The following ADAM23 variants were observed in gnomAD, a reference collection of about 807,000 sequenced individuals.
ADAM23 encodes the protein disintegrin and metalloproteinase domain-containing protein 23.
ADAM23 carries 33 observed loss-of-function variants against 120.1 expected under a neutral mutation model. That is an observed-to-expected ratio of 0.27 (90% confidence interval 0.21 to 0.37). ADAM23 has a LOEUF of 0.37. Among genes scored for constraint, ADAM23 ranks in the 10% least tolerant of loss-of-function variants. ADAM23 has a pLI of 1.00. For missense variants in ADAM23, 862 were observed against 1,058.2 expected (o/e 0.81, Z 2.57); for synonymous variants, 367 against 375.2 (o/e 0.98, Z 0.25).
At chr2:206,564,993 G>C in intron 13 of ADAM23, 27 bp from the exon 14 acceptor site, 1 of 1,611,502 alleles carries the variant, frequency 6.2e-7, no homozygotes, top group Non-Finnish European at 8.5e-7. Flanking sequence ...TTTTTCTTCT[G>C]TTGCTTTTAT....
At chr2:206,521,047 G>A (rs547395804) in intron 3 of ADAM23, among the ~76,000 whole-genome samples, 1 of 152,000 alleles carries the variant, frequency 6.6e-6, no homozygotes, top group African/African-American at 2.4e-5. Flanking sequence ...AAATTGTATC[G>A]TAGAGACTGC....
At position 206,617,747 on chromosome 2, in the gene ADAM23, GAGCTAAA is replaced by G; in HGVS notation, c.*121_*127del. On this transcript the variant is annotated 3_prime_UTR_variant, in exon 26 of 26. Transcript: ENST00000264377. ...AAACCTTTGGGTGGTAATGACTACGGAGCTAAAGTTGGGGTGACAAGGATGGGGTAAA... is the reference window on the plus strand; with the variant it reads ...AAACCTTTGGGTGGTAATGACTACGGGTTGGGGTGACAAGGATGGGGTAAA... 6.6e-7 allele frequency: 1 copy of G among 1,513,110 alleles called. No homozygotes were observed. Among genetic ancestry groups the G allele is most frequent in the Non-Finnish European group, 8.9e-7 (1 of 1,129,176 alleles). The allele number at this position is 1,513,110 out of a possible 1,614,324, so 93.7% of individuals were successfully genotyped here. A position where few individuals can be genotyped will look rare whatever the true frequency, so the allele number is the denominator to read the frequency against.
intron 15 of ADAM23, among the ~76,000 whole-genome samples, chr2:206,568,547 C>T (rs1337680882): frequency 6.6e-6 from 1 of 152,182 alleles, no homozygotes; most frequent in Non-Finnish European, 1.5e-5. Context: ...CTCTAAACTT[C>T]AGCAAAGCTG....
chr2:206,584,841 ACCTTCCCGTTGGATCCC>A (rs1202308345), intron 18 of ADAM23, among the ~76,000 whole-genome samples: 3 of 152,082 alleles, frequency 2.0e-5, no homozygotes, highest in Non-Finnish European at 4.4e-5. Context: ...TCCTCTGGCC[ACCTTCCCGTTGGATCCC>A]TATGGTGCTA....
chr2:206,582,012 G>A lies in ADAM23; in HGVS notation c.1738-5313G>A, dbSNP rs144578016. ...CCTGCCTCAGCCTCCCAAGTAGCTG[G>A]GATTACAGGCAGGTGCCACCATGCC... On this transcript the variant is annotated intron_variant, in intron 18 of 25. Transcript: ENST00000264377. Among the ~76,000 whole-genome samples, 977 of 152,198 alleles carry A rather than the reference G, an allele frequency of 6.4e-3. 9 individuals are homozygous for A. Among genetic ancestry groups the A allele is most frequent in the African/African-American group, 0.022 (925 of 41,518 alleles).
intron 14 of ADAM23, 115 bp from the exon 15 acceptor site, chr2:206,567,108 G>A: frequency 2.5e-6 from 2 of 795,594 alleles, no homozygotes; most frequent in Non-Finnish European, 4.0e-6. Context: ...CAAAATTTGT[G>A]TAGATTCATT....
intron 25 of ADAM23, among the ~76,000 whole-genome samples, chr2:206,611,567 G>A (rs1298706251): frequency 2.0e-5 from 3 of 152,122 alleles, no homozygotes; most frequent in African/African-American, 7.2e-5. Flanking sequence ...ATCATGCCCA[G>A]GCTTATGCCT....
chr2:206,532,790 T>G (rs1697094405), intron 4 of ADAM23, among the ~76,000 whole-genome samples: 1 of 152,168 alleles, frequency 6.6e-6, no homozygotes, highest in Admixed American at 6.5e-5. Flanking sequence ...TGTTTAAAAA[T>G]GCCATGGTGA....
At chr2:206,538,254 G>T (rs1226503104) in intron 4 of ADAM23, among the ~76,000 whole-genome samples, 2 of 152,050 alleles carry the variant, frequency 1.3e-5, no homozygotes, top group Non-Finnish European at 2.9e-5. Context: ...AGTTCCCCAA[G>T]TCTCCAAAAT....
intron 1 of ADAM23, among the ~76,000 whole-genome samples, 172 bp from the exon 2 acceptor site, chr2:206,445,135 T>G (rs1695053385): frequency 6.6e-6 from 1 of 152,234 alleles, no homozygotes; most frequent in Non-Finnish European, 1.5e-5. Flanking sequence ...ATTTTATTGT[T>G]GAAATAACTT....
At chr2:206,585,000 G>A (rs1166741740) in intron 18 of ADAM23, among the ~76,000 whole-genome samples, 1 of 152,186 alleles carries the variant, frequency 6.6e-6, no homozygotes, top group Non-Finnish European at 1.5e-5. Context: ...CCTGCAAACA[G>A]ACCTTCAGCT....
chr2:206,500,210 C>G (rs1176092503), intron 3 of ADAM23, among the ~76,000 whole-genome samples: 1 of 151,410 alleles, frequency 6.6e-6, no homozygotes, highest in Non-Finnish European at 1.5e-5. Context: ...CTCATTGTTG[C>G]ATTAGATCTA....
At chr2:206,505,378 G>T (rs1260384733) in intron 3 of ADAM23, among the ~76,000 whole-genome samples, 1 of 152,282 alleles carries the variant, frequency 6.6e-6, no homozygotes, top group Non-Finnish European at 1.5e-5. Context: ...GTTACTATTT[G>T]TATTAGTTTG....
At chr2:206,496,183 A>G (rs1048813069) in intron 3 of ADAM23, among the ~76,000 whole-genome samples, 2 of 152,168 alleles carry the variant, frequency 1.3e-5, no homozygotes, top group African/African-American at 4.8e-5. Context: ...TACACCCCAA[A>G]TCAACAGAAT....
intron 2 of ADAM23, among the ~76,000 whole-genome samples, chr2:206,448,125 A>G (rs1453871715): frequency 1.3e-5 from 2 of 152,350 alleles, no homozygotes; most frequent in East Asian, 3.9e-4. Flanking sequence ...AGAGTGATGT[A>G]TAACCAGTTG....
chr2:206,504,750 C>T lies in ADAM23; in HGVS notation c.509+23442C>T, dbSNP rs1574502031. On this transcript the variant is annotated intron_variant, in intron 3 of 25. Transcript: ENST00000264377. ...AGTAGTGGACACTTTTGTCCAGGGT[C>T]CCCTTGGGGTGTGTTGAGCCCTAGA... Among the ~76,000 whole-genome samples, 5 of 152,122 alleles carry T rather than the reference C, an allele frequency of 3.3e-5. No homozygotes were observed. In the South Asian group the frequency reaches 1.0e-3, roughly 32 times the overall value.
intron 2 of ADAM23, among the ~76,000 whole-genome samples, chr2:206,477,407 G>A (rs1695795684): frequency 6.6e-6 from 1 of 152,140 alleles, no homozygotes; most frequent in African/African-American, 2.4e-5. Context: ...AAAGTGGTTA[G>A]GCAGCAGCTG....
intron 2 of ADAM23, among the ~76,000 whole-genome samples, chr2:206,469,152 A>ATAC (rs1437771499): frequency 6.6e-6 from 1 of 152,216 alleles, no homozygotes; most frequent in Non-Finnish European, 1.5e-5. Flanking sequence ...GGTCCAAACC[A>ATAC]TACCATAGTT....
At chr2:206,498,039 T>C (rs1696295763) in intron 3 of ADAM23, among the ~76,000 whole-genome samples, 1 of 152,042 alleles carries the variant, frequency 6.6e-6, no homozygotes, top group Admixed American at 6.6e-5. Context: ...TGCTCATGGG[T>C]AGGAAGAATC....
Sources: allele counts gnomAD v4.1 joint callset (sites outside exome capture counted in the v4.1 genomes callset), GRCh38; gene constraint gnomAD v4.1.1; transcripts MANE v1.5; gene names NCBI Gene and HGNC (gene_info 2026-07-23, HGNC 2026-07-21).